PCDHA3: variants seen among roughly 807,000 people sequenced by gnomAD.
PCDHA3 encodes protocadherin alpha-3.
PCDHA3 carries 41 observed loss-of-function variants against 62.2 expected under a neutral mutation model. That is an observed-to-expected ratio of 0.66 (90% CI 0.51 to 0.86). The LOEUF is 0.86. PCDHA3 is among the 40% of genes least tolerant of loss of function. The pLI is 0.00. For missense variants in PCDHA3, 1,304 were observed against 1,241.2 expected, an observed-to-expected ratio of 1.05 and a Z score of -0.76; for synonymous variants, 640 against 555.4, an observed-to-expected ratio of 1.15 and a Z score of -2.14.
intron 1 of PCDHA3, chr5:140,834,180 C>T: frequency 1.8e-6 from 1 of 562,966 alleles, no homozygotes; most frequent in East Asian, 2.8e-5. Context: ...ATGATGGCCA[C>T]ATGATGTCGC....
At chr5:140,959,443 G>C (rs1472511414) in intron 1 of PCDHA3, among the ~76,000 whole-genome samples, 1 of 151,580 alleles carries the variant, frequency 6.6e-6, no homozygotes, top group Non-Finnish European at 1.5e-5. Context: ...TTTCTATTTT[G>C]TGCTGAAAAG....
intron 1 of PCDHA3, chr5:140,829,465 C>G (rs2150168424): frequency 1.2e-6 from 2 of 1,613,822 alleles, no homozygotes; most frequent in Admixed American, 1.7e-5. Flanking sequence ...TCGCGCAGCC[C>G]GAGTACACAG....
chr5:140,857,900 C>A, intron 1 of PCDHA3: 2 of 1,597,730 alleles, frequency 1.3e-6, no homozygotes, highest in African/African-American at 1.3e-5. Context: ...GGTTGGTGCA[C>A]GCATCCCGTT....
At chr5:140,884,543 T>A (rs1582792528) in intron 1 of PCDHA3, 1 of 1,614,034 alleles carries the variant, frequency 6.2e-7, no homozygotes, top group Non-Finnish European at 8.5e-7. Flanking sequence ...GCCGAGGGTG[T>A]GCTCTGGGGA....
In PCDHA3 at chr5:140,802,811, C is replaced by G. The variant is rs539786276; in HGVS notation, c.1614C>G (p.Arg538=). The change falls in exon 1 of 4, where the codon CGC becomes CGG. Residue 538 remains arginine, a synonymous_variant. Coordinates refer to ENST00000522353, the MANE Select transcript of PCDHA3 (RefSeq NM_018906.3). ...LELLQFQVSA[R]DAGVPPLGSN... The stretch of plus-strand genomic sequence containing the variant: ...TGCTGCAGTTCCAGGTGAGTGCGCG[C>G]GATGCGGGCGTGCCGCCTCTGGGCA... 21 of 1,613,238 alleles carry G rather than the reference C, an allele frequency of 1.3e-5. No individual in the cohort carries two copies. The highest frequency in any genetic ancestry group is 4.5e-5 in the East Asian group (2 of 44,860).
chr5:140,964,857 CAA>C (rs1352009406), intron 1 of PCDHA3, among the ~76,000 whole-genome samples: 5 of 152,088 alleles, frequency 3.3e-5, no homozygotes, highest in Admixed American at 3.3e-4. Context: ...CTTGAGGAAA[CAA>C]AGAGGACAAA....
At chr5:140,981,128 G>A (rs1340714771) in intron 2 of PCDHA3, among the ~76,000 whole-genome samples, 1 of 152,214 alleles carries the variant, frequency 6.6e-6, no homozygotes, top group Non-Finnish European at 1.5e-5. Flanking sequence ...GTTGTTTGAA[G>A]TCAAAGAGTG....
rs2052480735 is a variant in PCDHA3 at position 140,870,867 on chromosome 5, C to A, written c.2394+67276C>A. 5 of 1,613,908 alleles carry A rather than the reference C, an allele frequency of 3.1e-6. No individual in the cohort carries two copies. The East Asian group carries it at 8.9e-5, about 29-fold the overall frequency. ...TACCGCGGTCGGTGGGTGCGGGCCACGTGGTGGCGAAGGTGCGCGCAGTGG... is the reference window on the plus strand; with the variant it reads ...TACCGCGGTCGGTGGGTGCGGGCCAAGTGGTGGCGAAGGTGCGCGCAGTGG... On this transcript the variant is annotated intron_variant, in intron 1 of 3. Transcript: ENST00000522353.
chr5:140,835,404 G>A, intron 1 of PCDHA3: 1 of 1,614,010 alleles, frequency 6.2e-7, no homozygotes, highest in Non-Finnish European at 8.5e-7. Flanking sequence ...TGTGGAAGTT[G>A]TGGATGTAAA....
chr5:140,989,696 T>G (rs1554251011), intron 3 of PCDHA3, among the ~76,000 whole-genome samples: 1 of 152,216 alleles, frequency 6.6e-6, no homozygotes, highest in African/African-American at 2.4e-5. Flanking sequence ...CGTGAAAATT[T>G]TATCTTCAGA....
intron 1 of PCDHA3, among the ~76,000 whole-genome samples, chr5:140,958,001 T>C (rs1257234939): frequency 6.6e-6 from 1 of 152,144 alleles, no homozygotes; most frequent in Non-Finnish European, 1.5e-5. Flanking sequence ...ATTTTTTGTT[T>C]CAATTCTATC....
chr5:140,863,525 C>A, intron 1 of PCDHA3: 1 of 394,654 alleles, frequency 2.5e-6, no homozygotes, highest in South Asian at 2.0e-5. Context: ...TCCCATGGTT[C>A]AGATTTTGGA....
chr5:140,857,805 C>G, intron 1 of PCDHA3: 2 of 1,597,714 alleles, frequency 1.3e-6, no homozygotes, highest in Non-Finnish European at 1.7e-6. Flanking sequence ...TCGGTGGTTG[C>G]GGGTCACGTG....
At chr5:140,862,844 C>G (rs782433146) in intron 1 of PCDHA3, 1 of 571,262 alleles carries the variant, frequency 1.8e-6, no homozygotes. Flanking sequence ...GGCATGCCGC[C>G]TCTGAGCAGC....
chr5:140,900,907 T>C (rs1156878452), intron 1 of PCDHA3, among the ~76,000 whole-genome samples: 1 of 152,190 alleles, frequency 6.6e-6, no homozygotes, highest in African/African-American at 2.4e-5. Context: ...ATTTTAACTG[T>C]GGTAAGATGA....
At chr5:140,928,932 G>T in intron 1 of PCDHA3, 5 of 1,614,108 alleles carry the variant, frequency 3.1e-6, no homozygotes, top group Non-Finnish European at 2.5e-6. Flanking sequence ...TTTCTGCCCA[G>T]AACTTGTATT....
intron 1 of PCDHA3, among the ~76,000 whole-genome samples, chr5:140,914,080 T>G (rs2076596374): frequency 6.6e-6 from 1 of 152,222 alleles, no homozygotes; most frequent in African/African-American, 2.4e-5. Flanking sequence ...TAACTATCTA[T>G]TAGGTCAATT....
intron 1 of PCDHA3, chr5:140,859,420 C>A: frequency 4.3e-6 from 1 of 233,152 alleles, no homozygotes; most frequent in Non-Finnish European, 8.1e-6. Context: ...ATGATATAGA[C>A]TCAGAAATGA....
chr5:140,850,258 G>A, intron 1 of PCDHA3: 1 of 1,594,156 alleles, frequency 6.3e-7, no homozygotes, highest in South Asian at 1.1e-5. Flanking sequence ...GTGGGCGCCG[G>A]CGTAGTGGTG....
Sources: gnomAD v4.1 joint callset for allele counts (sites outside exome capture counted in the v4.1 genomes callset) on GRCh38, gnomAD v4.1.1 for gene constraint, MANE v1.5 for transcripts, NCBI Gene and HGNC (gene_info 2026-07-23, HGNC 2026-07-21) for gene names.